The following SYT17 variants were observed in gnomAD, a reference collection of about 807,000 sequenced individuals.
SYT17 encodes the protein synaptotagmin-17.
In SYT17, 22 loss-of-function variants were observed where a neutral mutation model predicts 46.7. The ratio of observed to expected loss-of-function variants is 0.47; its 90% CI spans 0.34 to 0.67. The LOEUF is 0.67. Among genes scored for constraint, SYT17 ranks in the 30% least tolerant of loss-of-function variants. SYT17 has a pLI of 0.01. For missense variants in SYT17, 519 were observed against 612.8 expected, an observed-to-expected ratio of 0.85 and a Z score of 1.62; for synonymous variants, 251 against 248.4, an observed-to-expected ratio of 1.01 and a Z score of -0.10.
chr16:19,241,829 A>ACTTGGG (rs999188752), intron 7 of SYT17, among the ~76,000 whole-genome samples: 5 of 152,130 alleles, frequency 3.3e-5, no homozygotes, highest in Admixed American at 3.3e-4. Context: ...AAGGGTGGGG[A>ACTTGGG]CAGCACAGTT....
rs1969503315 is a variant in SYT17 at position 19,268,330 on chromosome 16, A to G, written c.*1254A>G. On this transcript the variant is annotated 3_prime_UTR_variant, in exon 8 of 8. Transcript: ENST00000355377. ...AAATTAAAGATTATTTATTTGTGCC[A>G]TGCATTCGAGTTATCTTTTTCTTCA... The G allele has an allele frequency of 1.3e-5, 2 of 152,138 alleles. No individual in the cohort carries two copies. The highest frequency in any genetic ancestry group is 4.8e-5 in the African/African-American group (2 of 41,416). The allele number at this position is 152,138 out of a possible 1,614,324, so 9.4% of individuals were successfully genotyped here. A position where few individuals can be genotyped will look rare whatever the true frequency, so the allele number is the denominator to read the frequency against.
intron 1 of SYT17, chr16:19,170,723 C>T (rs1304364439): frequency 6.6e-6 from 1 of 152,118 alleles, no homozygotes; most frequent in African/African-American, 2.4e-5. Flanking sequence ...GGAAATGCTT[C>T]CCTGTATTCA....
At chr16:19,234,566 T>C (rs1016627478) in intron 7 of SYT17, among the ~76,000 whole-genome samples, 5 of 152,190 alleles carry the variant, frequency 3.3e-5, no homozygotes, top group Admixed American at 6.5e-5. Context: ...ATATGATTGA[T>C]GATGATGATA....
intron 5 of SYT17, among the ~76,000 whole-genome samples, chr16:19,187,351 G>A (rs935890195): frequency 5.3e-5 from 8 of 152,028 alleles, no homozygotes; most frequent in Non-Finnish European, 1.2e-4. Context: ...GCCAAGACTC[G>A]TTTCATTAAG....
At chr16:19,232,013 T>C (rs1966712398) in intron 7 of SYT17, among the ~76,000 whole-genome samples, 1 of 152,020 alleles carries the variant, frequency 6.6e-6, no homozygotes, top group African/African-American at 2.4e-5. Flanking sequence ...GACAAGGAGG[T>C]ATTAATCAGC....
chr16:19,222,781 T>C (rs1966369205), intron 5 of SYT17, among the ~76,000 whole-genome samples: 1 of 152,226 alleles, frequency 6.6e-6, no homozygotes, highest in African/African-American at 2.4e-5. Flanking sequence ...TACATGGCAG[T>C]GAAGCATTTT....
intron 7 of SYT17, among the ~76,000 whole-genome samples, chr16:19,232,788 C>T (rs1596992199): frequency 2.6e-5 from 4 of 151,990 alleles, no homozygotes; most frequent in Admixed American, 6.6e-5. Flanking sequence ...CCCGAGATCA[C>T]GGCACTGCAC....
chr16:19,247,749 A>G (rs952727491), intron 7 of SYT17, among the ~76,000 whole-genome samples: 7 of 152,236 alleles, frequency 4.6e-5, no homozygotes, highest in Non-Finnish European at 1.0e-4. Context: ...TAATTATGTA[A>G]TAATCTCAGA....
intron 7 of SYT17, among the ~76,000 whole-genome samples, chr16:19,236,898 T>G (rs11074373): frequency 0.44 from 67,159 of 152,028 alleles, 16,510 homozygotes; most frequent in East Asian, 0.75. Flanking sequence ...GGGTAAGACC[T>G]TTCATGATCA....
chr16:19,194,253 G>A (rs533646210), intron 5 of SYT17, among the ~76,000 whole-genome samples: 250 of 152,252 alleles, frequency 1.6e-3, no homozygotes, highest in Non-Finnish European at 2.7e-3. Context: ...TTGGGGGAAC[G>A]GATGACAAAG....
intron 7 of SYT17, among the ~76,000 whole-genome samples, chr16:19,256,556 C>CTATTAT (rs66644033): frequency 1.3e-3 from 186 of 145,010 alleles, no homozygotes; most frequent in African/African-American, 4.4e-3. Context: ...ATGGGTGAGT[C>CTATTAT]TATTATTATT....
rs1288559164 is a variant in SYT17 at position 19,252,450 on chromosome 16, CATATATACATATATATATACATAT to C, written c.1229-14363_1229-14340del. ...ATACATATATATACATATATATACACATATATACATATATATATACATATATATATACATATATATATACATATA... is the reference window on the plus strand; with the variant it reads ...ATACATATATATACATATATATACACATATATACATATATATATACATATA... On this transcript the variant is annotated intron_variant, in intron 7 of 7. Transcript: ENST00000355377. 2.6e-4 allele frequency among the ~76,000 whole-genome samples: 6 copies of C among 23,102 alleles called. 1 individual carries two copies. Among genetic ancestry groups the C allele is most frequent in the Non-Finnish European group, 3.5e-4 (6 of 16,948 alleles). The allele number at this position is 23,102 out of a possible 152,430, so 15.2% of individuals were successfully genotyped here.
At chr16:19,260,475 A>G (rs1172125275) in intron 7 of SYT17, among the ~76,000 whole-genome samples, 3 of 137,460 alleles carry the variant, frequency 2.2e-5, no homozygotes, top group Non-Finnish European at 1.5e-5. Context: ...ATGCCACTGC[A>G]CCTGGGTAAC....
Position 19,265,773 on chromosome 16 carries a change from C to T in SYT17, c.1229-1107C>T, listed in dbSNP as rs369212122. ...GATCAAGAATTAGGCGGAACTTGGC[C>T]GGGAAGATAAATCAAGTTAACCGTC... On this transcript the variant is annotated intron_variant, in intron 7 of 7. Transcript: ENST00000355377. Among the ~76,000 whole-genome samples, 80 of 152,246 alleles carry T rather than the reference C, an allele frequency of 5.3e-4. 1 individual carries two copies. In the South Asian group the frequency reaches 0.015, roughly 28 times the overall value.
At chr16:19,255,754 C>G (rs1486355739) in intron 7 of SYT17, among the ~76,000 whole-genome samples, 2 of 152,178 alleles carry the variant, frequency 1.3e-5, no homozygotes, top group Non-Finnish European at 2.9e-5. Flanking sequence ...CACGCCACTG[C>G]ACTCCACTGT....
intron 5 of SYT17, among the ~76,000 whole-genome samples, chr16:19,196,684 A>G (rs142441219): frequency 4.6e-4 from 70 of 152,252 alleles, no homozygotes; most frequent in African/African-American, 1.6e-3. Context: ...AGCATCTCCT[A>G]CCAGAATGGT....
chr16:19,205,381 C>T (rs1465928424), intron 5 of SYT17, among the ~76,000 whole-genome samples: 1 of 152,008 alleles, frequency 6.6e-6, no homozygotes, highest in Non-Finnish European at 1.5e-5. Context: ...CCCCAGATAC[C>T]TTCATGGCTC....
At chr16:19,205,540 A>T (rs2142761524) in intron 5 of SYT17, among the ~76,000 whole-genome samples, 1 of 152,146 alleles carries the variant, frequency 6.6e-6, no homozygotes, top group African/African-American at 2.4e-5. Context: ...CCCAGGTTAA[A>T]GTGATTCTCG....
chr16:19,185,978 G>A (rs756636068), intron 5 of SYT17, among the ~76,000 whole-genome samples: 1 of 152,178 alleles, frequency 6.6e-6, no homozygotes, highest in African/African-American at 2.4e-5. Context: ...GCCTTCTTGC[G>A]GTAGAGGAGC....
Sources: gnomAD v4.1 joint callset for allele counts (sites outside exome capture counted in the v4.1 genomes callset) on GRCh38, gnomAD v4.1.1 for gene constraint, MANE v1.5 for transcripts, NCBI Gene and HGNC (gene_info 2026-07-23, HGNC 2026-07-21) for gene names.